Variants in SEC14L5 observed in about 807,000 individuals in gnomAD.
SEC14L5 encodes the protein SEC14-like protein 5.
In SEC14L5, 96 loss-of-function variants were observed where a neutral mutation model predicts 84.6. That is an observed-to-expected ratio of 1.13 (90% CI 0.96 to 1.34). The LOEUF (loss-of-function observed/expected upper bound fraction) is 1.34. SEC14L5 is among the 40% of genes most tolerant of loss of function. The pLI is 0.00. For synonymous variants in SEC14L5, 546 were observed against 383.4 expected (o/e 1.42, Z -4.95); for missense variants, 1,224 against 942.5 (o/e 1.30, Z -3.91).
At position 4,989,725 on chromosome 16, in the gene SEC14L5, G is replaced by A. The variant is rs566386508; in HGVS notation, c.346-1042G>A. ...GGGCTCAGGGTGTTCAGATCTTCTG[G>A]GGAGGGGCAAGCAACAGTTGTTGAA... On this transcript the variant is annotated intron_variant, in intron 4 of 15. Coordinates refer to ENST00000251170, the MANE Select transcript of SEC14L5 (RefSeq NM_014692.2). 3.3e-5 allele frequency among the ~76,000 whole-genome samples: 5 copies of A among 152,292 alleles called. No homozygotes were observed. In the South Asian group the frequency reaches 1.0e-3, roughly 32 times the overall value.
chr16:4,988,007 G>A, intron 3 of SEC14L5, 142 bp from the exon 4 acceptor site: 1 of 903,324 alleles, frequency 1.1e-6, no homozygotes. Context: ...GGTGTCCTGG[G>A]TCCGGGCTGG....
chr16:4,996,846 G>C lies in SEC14L5; in HGVS notation c.781-9G>C. ...CGTTCTGTGGGCTTTTTACTTCTTTGTCTCTCAGATTCCCAAAGATGAGCA... is the reference window on the plus strand; with the variant it reads ...CGTTCTGTGGGCTTTTTACTTCTTTCTCTCTCAGATTCCCAAAGATGAGCA... On this transcript the variant is annotated splice_polypyrimidine_tract_variant and intron_variant, in intron 7 of 15. Transcript: ENST00000251170. The C allele has an allele frequency of 6.2e-7, 1 of 1,603,926 alleles. No homozygotes were observed. Among genetic ancestry groups the C allele is most frequent in the Non-Finnish European group, 8.5e-7 (1 of 1,175,222 alleles).
At chr16:4,969,652 G>C (rs915712718) in intron 2 of SEC14L5, among the ~76,000 whole-genome samples, 8 of 152,100 alleles carry the variant, frequency 5.3e-5, no homozygotes, top group African/African-American at 1.9e-4. Context: ...CCAAAGTGCT[G>C]AGATTACAGG....
chr16:5,006,475 C>G (rs183966485), intron 12 of SEC14L5, among the ~76,000 whole-genome samples: 7 of 152,196 alleles, frequency 4.6e-5, no homozygotes, highest in African/African-American at 7.2e-5. Context: ...CACAGCCACA[C>G]AGCCTGAAAC....
chr16:5,004,298 C>A (rs1214715066), intron 11 of SEC14L5, among the ~76,000 whole-genome samples: 4 of 152,082 alleles, frequency 2.6e-5, no homozygotes, highest in Admixed American at 2.6e-4. Context: ...GGCTAGGGGG[C>A]AGGAGCTGCT....
intron 4 of SEC14L5, among the ~76,000 whole-genome samples, chr16:4,989,136 C>G (rs1455461672): frequency 6.6e-6 from 1 of 152,216 alleles, no homozygotes; most frequent in African/African-American, 2.4e-5. Flanking sequence ...AATGAGGCAC[C>G]TGCAGGCATT....
chr16:4,968,805 A>G (rs1955237099), intron 2 of SEC14L5, among the ~76,000 whole-genome samples: 1 of 152,264 alleles, frequency 6.6e-6, no homozygotes, highest in Non-Finnish European at 1.5e-5. Flanking sequence ...CTTCCTAAGC[A>G]AAAGGCTTTT....
chr16:4,958,639 G>A (rs1365342676), intron 1 of SEC14L5, among the ~76,000 whole-genome samples, 194 bp downstream of exon 1: 1 of 152,188 alleles, frequency 6.6e-6, no homozygotes, highest in Non-Finnish European at 1.5e-5. Context: ...TGTGCGCACG[G>A]GTGTGTGTGC....
intron 2 of SEC14L5, among the ~76,000 whole-genome samples, chr16:4,980,593 G>A (rs997387655): frequency 6.6e-6 from 1 of 152,132 alleles, no homozygotes; most frequent in Admixed American, 6.5e-5. Flanking sequence ...CATTGTTAGC[G>A]CCAAGGGTGT....
rs759264223 is a variant in SEC14L5 at position 5,003,545 on chromosome 16, C to T, written c.1274C>T (p.Pro425Leu). Residue 425 changes from proline (P) to leucine (L), a missense_variant, in exon 11 of 16, where the codon CCC (proline) becomes CTC (leucine). Transcript: ENST00000251170. ...TLGRLLIVRAPRVFPVLWTLI... is the reference protein window; with the variant it reads ...TLGRLLIVRALRVFPVLWTLI... ...GGTCGGCTGCTCATCGTGCGAGCCC[C>T]CCGAGTCTTCCCCGTGCTCTGGACA... 22 of 1,574,110 alleles carry T rather than the reference C, an allele frequency of 1.4e-5. No homozygotes were observed. Among genetic ancestry groups the T allele is most frequent in the Non-Finnish European group, 1.8e-5 (21 of 1,156,378 alleles).
intron 2 of SEC14L5, among the ~76,000 whole-genome samples, chr16:4,981,067 C>G (rs992034636): frequency 2.6e-5 from 2 of 76,282 alleles, no homozygotes; most frequent in African/African-American, 1.1e-4. Context: ...GGCCCGAGGA[C>G]CACCATAAAG....
intron 2 of SEC14L5, among the ~76,000 whole-genome samples, chr16:4,979,464 C>T (rs1306211640): frequency 6.6e-6 from 1 of 152,200 alleles, no homozygotes; most frequent in Admixed American, 6.5e-5. Context: ...ACACGGTATG[C>T]AGTGAGCCCA....
rs115868664 is a variant in SEC14L5, at chr16:4,988,879, C to T, written c.345+599C>T. 6.0e-4 allele frequency among the ~76,000 whole-genome samples: 91 copies of T among 152,366 alleles called. 1 individual carries two copies. Among genetic ancestry groups the T allele is most frequent in the African/African-American group, 1.9e-3 (79 of 41,590 alleles). ...CCAGGCTGCCTGACCACTGCCCTCA[C>T]GGAGGGTCCATTCCAGTGGAACAAA... is the stretch of plus-strand genomic sequence containing the variant. On this transcript the variant is annotated intron_variant, in intron 4 of 15. Coordinates refer to ENST00000251170, the MANE Select transcript of SEC14L5 (RefSeq NM_014692.2).
chr16:5,007,603 T>C, intron 13 of SEC14L5, 117 bp downstream of exon 13: 2 of 842,648 alleles, frequency 2.4e-6, no homozygotes, highest in Non-Finnish European at 3.5e-6. Context: ...TCTTTCTTTC[T>C]TTCTTTTTTT....
chr16:4,991,895 A>G lies in SEC14L5; in HGVS notation c.532A>G (p.Ile178Val), dbSNP rs772813424. 6.2e-7 allele frequency: 1 copy of G among 1,609,950 alleles called. No individual in the cohort carries two copies. The highest frequency in any genetic ancestry group is 8.5e-7 in the Non-Finnish European group (1 of 1,179,064). The change falls in exon 6 of 16, where the codon ATT becomes GTT. Residue 178 changes from isoleucine to valine, a missense_variant. By Grantham distance (29) the Ile-to-Val change is conservative. Transcript: ENST00000251170. ...GCTCATCTCCCAGGGTACCTCGCACATTCCGCGCTGGACGCCTGCCCCAGT... is the reference window on the plus strand; with the variant it reads ...GCTCATCTCCCAGGGTACCTCGCACGTTCCGCGCTGGACGCCTGCCCCAGT... ...NELISQGTSH[I>V]PRWTPAPVRE...
At chr16:5,013,373 C>T (rs1292308381) in intron 15 of SEC14L5, among the ~76,000 whole-genome samples, 2 of 147,352 alleles carry the variant, frequency 1.4e-5, no homozygotes, top group South Asian at 2.1e-4. Flanking sequence ...TCACACAAGT[C>T]ACCAGGGGGT....
intron 11 of SEC14L5, among the ~76,000 whole-genome samples, chr16:5,004,035 C>G (rs186301249): frequency 1.3e-5 from 2 of 152,370 alleles, no homozygotes; most frequent in East Asian, 1.9e-4. Context: ...AAGGGTGCAG[C>G]CAGCCACTTG....
intron 13 of SEC14L5, 128 bp downstream of exon 13, chr16:5,007,614 T>C (rs1256296357): frequency 3.4e-6 from 3 of 893,676 alleles, no homozygotes; most frequent in Admixed American, 2.9e-5. Flanking sequence ...TTCTTTTTTT[T>C]TTTTTTTTTG....
At chr16:5,000,086 T>A (rs1955658314) in intron 8 of SEC14L5, among the ~76,000 whole-genome samples, 1 of 150,980 alleles carries the variant, frequency 6.6e-6, no homozygotes, top group Non-Finnish European at 1.5e-5. Flanking sequence ...AGGTCAGGAG[T>A]TTGAGACCAG....
Sources: gnomAD v4.1 joint callset for allele counts (sites outside exome capture counted in the v4.1 genomes callset) on GRCh38, gnomAD v4.1.1 for gene constraint, MANE v1.5 for transcripts, NCBI Gene and HGNC (gene_info 2026-07-23, HGNC 2026-07-21) for gene names.